Variants in TFDP2 observed in about 807,000 individuals in gnomAD.
TFDP2 encodes transcription factor Dp-2 (E2F dimerization partner 2).
Under a neutral mutation model 59.3 loss-of-function variants are expected in TFDP2, and 17 were observed. That is an observed-to-expected ratio of 0.29 (90% CI 0.20 to 0.43). TFDP2 has a LOEUF of 0.43. Among genes scored for constraint, TFDP2 ranks in the 20% least tolerant of loss-of-function variants. The probability of loss-of-function intolerance (pLI) is 1.00; values close to 1 mark genes in which losing one functional copy is unlikely to be tolerated. For missense variants in TFDP2, 391 were observed against 528.8 expected (o/e 0.74, Z 2.56); for synonymous variants, 180 against 194.7 (o/e 0.92, Z 0.63).
intron 3 of TFDP2, among the ~76,000 whole-genome samples, chr3:142,078,114 T>C (rs187340805): frequency 5.9e-4 from 90 of 151,626 alleles, no homozygotes; most frequent in African/African-American, 2.1e-3. Context: ...GAGAGAAGAG[T>C]GAGAAGGACT....
intron 10 of TFDP2, among the ~76,000 whole-genome samples, chr3:141,962,258 A>T (rs1378013500): frequency 6.6e-6 from 1 of 151,228 alleles, no homozygotes; most frequent in Non-Finnish European, 1.5e-5. Context: ...ATCCACTCTT[A>T]AAAAAAAATT....
At chr3:141,972,893 A>G (rs1939981238) in intron 8 of TFDP2, among the ~76,000 whole-genome samples, 1 of 151,900 alleles carries the variant, frequency 6.6e-6, no homozygotes, top group Non-Finnish European at 1.5e-5. Context: ...TGATGCTCAA[A>G]TTCCACTCTA....
intron 3 of TFDP2, among the ~76,000 whole-genome samples, chr3:142,034,783 T>C (rs1946609612): frequency 6.7e-6 from 1 of 150,250 alleles, no homozygotes; most frequent in Admixed American, 6.7e-5. Context: ...TGGCGCAATC[T>C]CGGCTCACTG....
chr3:141,969,152 GATAT>G (rs1249418860), intron 9 of TFDP2, among the ~76,000 whole-genome samples: 1 of 67,270 alleles, frequency 1.5e-5, no homozygotes, highest in Non-Finnish European at 2.5e-5. Context: ...ATATATATGA[GATAT>G]ATATATAACA....
chr3:141,976,557 G>A (rs1940667618), intron 7 of TFDP2, among the ~76,000 whole-genome samples: 1 of 152,166 alleles, frequency 6.6e-6, no homozygotes, highest in Admixed American at 6.5e-5. Flanking sequence ...GGAGAGAGAA[G>A]CCATATGAAT....
chr3:141,968,136 G>T (rs1378579357), intron 9 of TFDP2, among the ~76,000 whole-genome samples: 1 of 150,290 alleles, frequency 6.7e-6, no homozygotes, highest in African/African-American at 2.4e-5. Context: ...GTTCAAGGAG[G>T]AGTGTTTGGT....
intron 2 of TFDP2, among the ~76,000 whole-genome samples, chr3:142,094,148 A>C (rs537424341): frequency 1.3e-5 from 2 of 152,310 alleles, no homozygotes; most frequent in East Asian, 3.9e-4. Flanking sequence ...AATTTTTGAA[A>C]ACTTGGCAGA....
At chr3:142,120,550 A>G (rs2108693928) in intron 1 of TFDP2, among the ~76,000 whole-genome samples, 1 of 152,324 alleles carries the variant, frequency 6.6e-6, no homozygotes, top group South Asian at 2.1e-4. Flanking sequence ...TCATCAGTAA[A>G]AAATATTTTA....
chr3:142,112,005 G>A (rs1023684844), intron 1 of TFDP2, among the ~76,000 whole-genome samples: 1 of 152,064 alleles, frequency 6.6e-6, no homozygotes, highest in African/African-American at 2.4e-5. Context: ...GGCAGAGGCT[G>A]TAGTGAGCTG....
At chr3:142,113,569 G>T (rs1463890115) in intron 1 of TFDP2, among the ~76,000 whole-genome samples, 1 of 151,906 alleles carries the variant, frequency 6.6e-6, no homozygotes, top group African/African-American at 2.4e-5. Flanking sequence ...CCGACTTTTT[G>T]AAATATTATT....
chr3:142,053,395 C>T (rs1947744470), intron 3 of TFDP2, among the ~76,000 whole-genome samples: 2 of 152,142 alleles, frequency 1.3e-5, no homozygotes, highest in African/African-American at 4.8e-5. Context: ...TGCCACGTGA[C>T]TTGCTGACTC....
intron 3 of TFDP2, among the ~76,000 whole-genome samples, chr3:142,056,456 C>A (rs2059750373): frequency 6.6e-6 from 1 of 150,584 alleles, no homozygotes; most frequent in Non-Finnish European, 1.5e-5. Flanking sequence ...ACAGAGAAGA[C>A]AAACTAAACC....
chr3:142,131,473 C>T (rs984856558), intron 1 of TFDP2, among the ~76,000 whole-genome samples: 2 of 149,974 alleles, frequency 1.3e-5, no homozygotes, highest in Admixed American at 1.3e-4. Context: ...AGGCAGAAAT[C>T]TGCTCCCAAA....
rs1937129240 is a variant in TFDP2, at chr3:141,959,749, A to C, written c.976T>G (p.Ser326Ala). The change falls in exon 11 of 13, where the codon TCA (serine) becomes GCA (alanine). Residue 326 changes from serine to alanine, a missense_variant. Transcript: ENST00000489671. The stretch of plus-strand genomic sequence containing the variant: ...AGATCCTCCAGAGAGCATTTGCCTG[A>C]CTCCAGGCCAAACGACATTCCCATC... ...KRMGMSFGLE[S>A]GKCSLEDLKL... The C allele has an allele frequency of 6.2e-7, 1 of 1,613,940 alleles. No individual in the cohort carries two copies. Among genetic ancestry groups the C allele is most frequent in the Non-Finnish European group, 8.5e-7 (1 of 1,180,002 alleles).
intron 3 of TFDP2, among the ~76,000 whole-genome samples, chr3:142,010,627 A>C (rs1385936582): frequency 1.3e-5 from 2 of 150,892 alleles, no homozygotes; most frequent in African/African-American, 2.4e-5. Context: ...AAAAAAAAAA[A>C]AACCTACCAT....
intron 3 of TFDP2, 106 bp from the exon 4 acceptor site, chr3:142,005,650 A>G (rs1944146886): frequency 5.7e-6 from 4 of 698,462 alleles, no homozygotes; most frequent in Admixed American, 3.2e-5. Context: ...GTAATTTATA[A>G]TTATCTTAGG....
At chr3:142,111,626 A>G (rs1006096940) in intron 1 of TFDP2, among the ~76,000 whole-genome samples, 2 of 152,104 alleles carry the variant, frequency 1.3e-5, no homozygotes, top group African/African-American at 4.8e-5. Context: ...AGCACCGGAA[A>G]GATCAAAGGA....
chr3:142,021,382 C>T (rs559150273), intron 3 of TFDP2, among the ~76,000 whole-genome samples: 2 of 152,282 alleles, frequency 1.3e-5, no homozygotes, highest in East Asian at 3.9e-4. Context: ...GTTTCTGCAG[C>T]TGCCAGAACA....
chr3:141,959,927 G>T (rs766527429), intron 10 of TFDP2, 87 bp from the exon 11 acceptor site: 10 of 1,342,994 alleles, frequency 7.4e-6, no homozygotes, highest in Non-Finnish European at 1.0e-5. Context: ...TAACAGAATG[G>T]GGGCCTAAAT....
Sources: gnomAD v4.1 joint callset for allele counts (sites outside exome capture counted in the v4.1 genomes callset) on GRCh38, gnomAD v4.1.1 for gene constraint, MANE v1.5 for transcripts, NCBI Gene and HGNC (gene_info 2026-07-23, HGNC 2026-07-21) for gene names.